Variants in CNOT10 observed in about 807,000 individuals in gnomAD.
The protein encoded by CNOT10 is CCR4-NOT transcription complex, subunit 10.
Under a neutral mutation model 94.6 loss-of-function variants are expected in CNOT10, and 30 were observed. The ratio of observed to expected loss-of-function variants is 0.32; its 90% confidence interval spans 0.24 to 0.43. CNOT10 has a LOEUF of 0.43. Among genes scored for constraint, CNOT10 ranks in the 20% least tolerant of loss-of-function variants. The probability of loss-of-function intolerance (pLI) is 1.00; values close to 1 mark genes in which losing one functional copy is unlikely to be tolerated. For missense variants in CNOT10, 759 were observed against 877.2 expected (o/e 0.87, Z 1.70); for synonymous variants, 289 against 301.6 (o/e 0.96, Z 0.43).
At chr3:32,757,489 T>G (rs1700274226) in intron 13 of CNOT10, among the ~76,000 whole-genome samples, 1 of 152,196 alleles carries the variant, frequency 6.6e-6, no homozygotes, top group South Asian at 2.1e-4. Context: ...ACTAATGGTC[T>G]TCTTGAGCCT....
intron 1 of CNOT10, chr3:32,695,495 A>G: frequency 2.2e-6 from 3 of 1,353,780 alleles, no homozygotes; most frequent in Non-Finnish European, 3.0e-6. Flanking sequence ...TCCACCAATC[A>G]GATTTGAATG....
chr3:32,712,030 C>T (rs1697912658), intron 4 of CNOT10, among the ~76,000 whole-genome samples: 1 of 150,230 alleles, frequency 6.7e-6, no homozygotes, highest in Non-Finnish European at 1.5e-5. Context: ...AGTTTTATGT[C>T]ACACCAGGTT....
At chr3:32,749,405 A>ATT (rs61077906) in intron 13 of CNOT10, among the ~76,000 whole-genome samples, 3,839 of 96,216 alleles carry the variant, frequency 0.04, 102 homozygotes, top group African/African-American at 0.084. Flanking sequence ...TGTTGAGTTA[A>ATT]TTTTTTTTTT....
intron 5 of CNOT10, 150 bp from the exon 6 acceptor site, chr3:32,716,075 G>T: frequency 2.1e-6 from 1 of 471,462 alleles, no homozygotes; most frequent in Admixed American, 4.2e-5. Context: ...CCAAAGTTCT[G>T]GGATTACAGG....
In CNOT10 at chr3:32,727,764, G is replaced by GTTC; in HGVS notation, c.1109_1110insTTC (p.Arg370delinsSerSer). The GTTC allele has an allele frequency of 6.2e-7, 1 of 1,613,902 alleles. No homozygotes were observed. The highest frequency in any genetic ancestry group is 8.5e-7 in the Non-Finnish European group (1 of 1,179,934). ...GGAATTCAGCTTCTTCACATTGGAAGGCCTCTTGCTGCCTTCGAATGTCTG... is the reference window on the plus strand; with the variant it reads ...GGAATTCAGCTTCTTCACATTGGAAGTTCGCCTCTTGCTGCCTTCGAATGTCTG... On this transcript the variant is annotated protein_altering_variant, in exon 10 of 19. Transcript: ENST00000328834.
chr3:32,762,632 T>A, intron 14 of CNOT10, 101 bp from the exon 15 acceptor site: 1 of 1,205,740 alleles, frequency 8.3e-7, no homozygotes, highest in Non-Finnish European at 1.2e-6. Context: ...ATATGAGACC[T>A]ATATCCAATG....
At position 32,762,720 on chromosome 3, in the gene CNOT10, T is replaced by C. The variant is rs1470227543; in HGVS notation, c.1710-13T>C. ...TTGTACTTTTCAGTTTGGAATCTGT[T>C]TTTTCATTTTAGGTTTTTGGGACAT... On this transcript the variant is annotated splice_polypyrimidine_tract_variant and intron_variant, in intron 14 of 18. Coordinates refer to ENST00000328834, the MANE Select transcript of CNOT10 (RefSeq NM_015442.3). The C allele has an allele frequency of 1.3e-6, 2 of 1,583,042 alleles. No individual in the cohort carries two copies. Among genetic ancestry groups the C allele is most frequent in the African/African-American group, 1.4e-5 (1 of 72,862 alleles).
At chr3:32,730,746 A>G (rs925678724) in intron 10 of CNOT10, 1 of 152,202 alleles carries the variant, frequency 6.6e-6, no homozygotes, top group African/African-American at 2.4e-5. Flanking sequence ...TGTTTATGCT[A>G]AGGAGGACAT....
intron 8 of CNOT10, among the ~76,000 whole-genome samples, chr3:32,720,583 C>T (rs1298743422): frequency 6.6e-6 from 1 of 151,830 alleles, no homozygotes; most frequent in Non-Finnish European, 1.5e-5. Flanking sequence ...GCCTCAACCT[C>T]CTAGGCTCCA....
Position 32,708,867 on chromosome 3 carries a change from G to T in CNOT10, c.430+47G>T, listed in dbSNP as rs1697744636. The T allele has an allele frequency of 5.3e-6, 8 of 1,502,588 alleles. No homozygotes were observed. The East Asian group carries it at 1.4e-4, about 26-fold the overall frequency. 93.1% of individuals were successfully genotyped at this position (1,502,588 alleles called of 1,614,324 possible). A position where few individuals can be genotyped will look rare whatever the true frequency, so the allele number is the denominator to read the frequency against. Reference sequence around the variant, plus strand: ...AAATTTCCCTATCTTCCCTATACTTGCAGAATTCTCTGGTACTTTTACCTA... The same window carrying T: ...AAATTTCCCTATCTTCCCTATACTTTCAGAATTCTCTGGTACTTTTACCTA... On this transcript the variant is annotated intron_variant, in intron 4 of 18. Transcript: ENST00000328834.
intron 12 of CNOT10, 136 bp downstream of exon 12, chr3:32,735,112 G>C: frequency 1.4e-6 from 1 of 728,152 alleles, no homozygotes; most frequent in Non-Finnish European, 2.2e-6. Context: ...AGAAAGGAAA[G>C]TATTTATGTT....
chr3:32,712,201 A>C (rs189086699), intron 4 of CNOT10, among the ~76,000 whole-genome samples: 22 of 150,262 alleles, frequency 1.5e-4, no homozygotes, highest in Admixed American at 1.1e-3. Flanking sequence ...CTAGAAAAGC[A>C]ATGTATTTCA....
At chr3:32,755,475 C>T (rs908925400) in intron 13 of CNOT10, among the ~76,000 whole-genome samples, 5 of 151,626 alleles carry the variant, frequency 3.3e-5, no homozygotes, top group Non-Finnish European at 5.9e-5. Flanking sequence ...TGTGCCACCA[C>T]GCCTGTGTAA....
chr3:32,727,710 A>G lies in CNOT10; in HGVS notation c.1055A>G (p.Asn352Ser), dbSNP rs1220769181. The G allele has an allele frequency of 1.2e-5, 20 of 1,614,024 alleles. No individual in the cohort carries two copies. In the East Asian group the frequency reaches 3.6e-4, roughly 29 times the overall value. The change falls in exon 10 of 19, where the codon AAT becomes AGT. Residue 352 changes from asparagine to serine, a missense_variant. By Grantham distance (46) the Asn-to-Ser change is conservative (BLOSUM62 1). This residue lies in a region of CNOT10 where 682 missense variants were observed against 799.4 expected (regional missense o/e 0.85). Transcript: ENST00000328834. ...SGRPMCTLLTNKRYELLYNCG... is the reference protein window; with the variant it reads ...SGRPMCTLLTSKRYELLYNCG... ...AGACCCATGTGTACGTTACTAACCA[A>G]TAAGAGATATGAGTTGCTGTATAAC...
intron 9 of CNOT10, among the ~76,000 whole-genome samples, chr3:32,726,248 A>G (rs73059847): frequency 0.13 from 20,089 of 152,136 alleles, 1,450 homozygotes; most frequent in South Asian, 0.19. Context: ...CCGGCTTGTT[A>G]TAGATTCTTT....
intron 14 of CNOT10, 36 bp from the exon 15 acceptor site, chr3:32,762,697 G>A (rs1158481096): frequency 6.4e-7 from 1 of 1,573,808 alleles, no homozygotes. Context: ...TTGTGACGTT[G>A]TACTTTTCAG....
At chr3:32,764,359 A>C in intron 15 of CNOT10, 96 bp from the exon 16 acceptor site, 1 of 1,305,994 alleles carries the variant, frequency 7.7e-7, no homozygotes, top group East Asian at 2.3e-5. Flanking sequence ...AAGAAAAGAA[A>C]AGAAAATATG....
chr3:32,696,170 G>A (rs1215812037), intron 1 of CNOT10, among the ~76,000 whole-genome samples: 3 of 152,026 alleles, frequency 2.0e-5, no homozygotes, highest in Non-Finnish European at 4.4e-5. Flanking sequence ...ACAAAAATTA[G>A]CTGAGCATGG....
intron 13 of CNOT10, chr3:32,752,994 G>C (rs1047833942): frequency 2.7e-5 from 13 of 472,846 alleles, no homozygotes; most frequent in Non-Finnish European, 5.4e-5. Context: ...GGACCCCCAG[G>C]CGGCATTAGA....
Sources: allele counts gnomAD v4.1 joint callset (sites outside exome capture counted in the v4.1 genomes callset), GRCh38; gene constraint gnomAD v4.1.1; regional missense constraint gnomAD v4.1.1; transcripts MANE v1.5; gene names NCBI Gene and HGNC (gene_info 2026-07-23, HGNC 2026-07-21).